Variants in NUDCD1 observed in about 807,000 individuals in gnomAD.
NUDCD1 encodes the protein nudC domain-containing protein 1.
In NUDCD1, 60 loss-of-function variants were observed where a neutral mutation model predicts 67.8. That is an observed-to-expected ratio of 0.88 (90% CI 0.72 to 1.10). The LOEUF is 1.10. Among genes scored for constraint, NUDCD1 ranks in the 50% least tolerant of loss-of-function variants. The probability of loss-of-function intolerance (pLI) is 0.00; values close to 1 mark genes in which losing one functional copy is unlikely to be tolerated. For missense variants in NUDCD1, 643 were observed against 695.0 expected (o/e 0.93, Z 0.84); for synonymous variants, 244 against 230.8 (o/e 1.06, Z -0.52).
In NUDCD1 at chr8:109,255,476, A is replaced by G. The variant is rs145973127; in HGVS notation, c.1300-9995T>C. On this transcript the variant is annotated intron_variant, in intron 8 of 9. Transcript: ENST00000239690. ...CTGGTGGAAATGCACTTAAATTTCT[A>G]CTTTAAAAAGCCACATAACTATTAC... Among the ~76,000 whole-genome samples the G allele has an allele frequency of 4.1e-3, 631 of 152,286 alleles. 6 individuals are homozygous for G. Among genetic ancestry groups the G allele is most frequent in the African/African-American group, 0.015 (605 of 41,572 alleles).
At chr8:109,323,332 G>T (rs1245646994) in intron 1 of NUDCD1, among the ~76,000 whole-genome samples, 1 of 152,000 alleles carries the variant, frequency 6.6e-6, no homozygotes, top group East Asian at 1.9e-4. Flanking sequence ...TTTGAGTCCT[G>T]TCTGACTTAT....
At position 109,242,922 on chromosome 8, in the gene NUDCD1, AAC is replaced by A; in HGVS notation, c.*85_*86del. Reference sequence around the variant, plus strand: ...ATACAAGATATATTTAGCACATTAAAACTTAAGAGGTTACAGTATAACTGTCC... The same window carrying A: ...ATACAAGATATATTTAGCACATTAAATTAAGAGGTTACAGTATAACTGTCC... On this transcript the variant is annotated 3_prime_UTR_variant, in exon 10 of 10. Coordinates refer to ENST00000239690, the MANE Select transcript of NUDCD1 (RefSeq NM_032869.4). 4.0e-6 allele frequency: 3 copies of A among 752,734 alleles called. No homozygotes were observed. The Admixed American group carries it at 7.5e-5, about 19-fold the overall frequency. 46.6% of individuals were successfully genotyped at this position (752,734 alleles called of 1,614,324 possible).
At chr8:109,274,513 A>G (rs985939527) in intron 7 of NUDCD1, among the ~76,000 whole-genome samples, 2 of 152,166 alleles carry the variant, frequency 1.3e-5, no homozygotes, top group African/African-American at 4.8e-5. Flanking sequence ...CTATGAAATC[A>G]AAGTTTTGCA....
At position 109,264,963 on chromosome 8, in the gene NUDCD1, T is replaced by C. The variant is rs577895867; in HGVS notation, c.1299+6042A>G. On this transcript the variant is annotated intron_variant, in intron 8 of 9. Transcript: ENST00000239690. ...TTAAAAAAATTCTTAATTTCTAATA[T>C]GATACGTTTTGATAAATATAATCCA... 6.6e-4 allele frequency among the ~76,000 whole-genome samples: 101 copies of C among 151,972 alleles called. 2 individuals are homozygous for C. Among genetic ancestry groups the C allele is most frequent in the South Asian group, 5.8e-3 (28 of 4,822 alleles).
intron 2 of NUDCD1, among the ~76,000 whole-genome samples, chr8:109,305,636 T>C (rs1383618844): frequency 6.6e-6 from 1 of 151,982 alleles, no homozygotes; most frequent in African/African-American, 2.4e-5. Flanking sequence ...CCCAACCTCA[T>C]CCCAAGCACT....
intron 1 of NUDCD1, among the ~76,000 whole-genome samples, chr8:109,327,328 G>T (rs1270530237): frequency 6.6e-6 from 1 of 152,134 alleles, no homozygotes; most frequent in Non-Finnish European, 1.5e-5. Context: ...CTCCATAAGG[G>T]TAGAGATGAG....
rs1294714338 is a variant in NUDCD1, at chr8:109,319,876, G to A, written c.273+2433C>T. 3.9e-5 allele frequency among the ~76,000 whole-genome samples: 6 copies of A among 152,284 alleles called. No homozygotes were observed. The East Asian group carries it at 1.2e-3, about 29-fold the overall frequency. ...GGCCAGCTTGAGAAATTAAGGGACA[G>A]AGTACAAAAGAGAGAAATTTTAAAG... On this transcript the variant is annotated intron_variant, in intron 2 of 9. Coordinates refer to ENST00000239690, the MANE Select transcript of NUDCD1 (RefSeq NM_032869.4).
chr8:109,275,331 A>G (rs1814256954), intron 7 of NUDCD1, 21 bp downstream of exon 7: 2 of 1,600,434 alleles, frequency 1.2e-6, no homozygotes, highest in Non-Finnish European at 1.7e-6. Flanking sequence ...GGAAAGTCAC[A>G]CTACTATTCC....
At chr8:109,269,296 T>C (rs1814085432) in intron 8 of NUDCD1, among the ~76,000 whole-genome samples, 1 of 152,208 alleles carries the variant, frequency 6.6e-6, no homozygotes. Flanking sequence ...TTAATTTTGA[T>C]ACAGTTTCAA....
intron 2 of NUDCD1, among the ~76,000 whole-genome samples, chr8:109,317,197 G>C (rs1316416165): frequency 1.3e-5 from 2 of 152,118 alleles, no homozygotes; most frequent in Non-Finnish European, 2.9e-5. Flanking sequence ...AACTGAACAG[G>C]TGATTAGAGA....
intron 2 of NUDCD1, among the ~76,000 whole-genome samples, chr8:109,307,069 C>A (rs1339899443): frequency 6.6e-6 from 1 of 152,158 alleles, no homozygotes; most frequent in Non-Finnish European, 1.5e-5. Context: ...GCCATCATAT[C>A]CCCTGTGACC....
intron 2 of NUDCD1, among the ~76,000 whole-genome samples, chr8:109,302,593 C>G (rs778244392): frequency 1.3e-5 from 2 of 152,142 alleles, no homozygotes; most frequent in South Asian, 4.2e-4. Context: ...GGCTTAGTTT[C>G]GTTCTGTGAC....
intron 6 of NUDCD1, among the ~76,000 whole-genome samples, chr8:109,278,753 C>T (rs1814358997): frequency 6.6e-6 from 1 of 152,188 alleles, no homozygotes; most frequent in Non-Finnish European, 1.5e-5. Flanking sequence ...AGTAACATTC[C>T]ATTGTATGAA....
intron 2 of NUDCD1, among the ~76,000 whole-genome samples, chr8:109,300,446 C>T (rs1280426121): frequency 6.6e-6 from 1 of 151,952 alleles, no homozygotes; most frequent in Non-Finnish European, 1.5e-5. Context: ...TTACAGAAAT[C>T]CAAAATGCTC....
At chr8:109,320,428 G>A (rs900772174) in intron 2 of NUDCD1, among the ~76,000 whole-genome samples, 6 of 152,180 alleles carry the variant, frequency 3.9e-5, no homozygotes, top group Admixed American at 6.5e-5. Flanking sequence ...GAGAAATATG[G>A]CTCTGTTCCG....
chr8:109,265,148 T>C (rs745419470), intron 8 of NUDCD1, among the ~76,000 whole-genome samples: 6 of 152,072 alleles, frequency 3.9e-5, no homozygotes, highest in Non-Finnish European at 7.4e-5. Flanking sequence ...TCAAATCTTC[T>C]AACATTAATT....
Position 109,327,785 on chromosome 8 carries a change from T to C in NUDCD1, c.119-5322A>G, listed in dbSNP as rs895706323. On this transcript the variant is annotated intron_variant, in intron 1 of 9. Transcript: ENST00000239690. ...CTGGTGTTTCTCCTCCACTTACATA[T>C]GCTGAAACTTCCCCACTCGCAAAAT... Among the ~76,000 whole-genome samples, 5 of 152,270 alleles carry C rather than the reference T, an allele frequency of 3.3e-5. No homozygotes were observed. In the South Asian group the frequency reaches 1.0e-3, roughly 32 times the overall value.
chr8:109,248,697 T>C (rs1331431808), intron 8 of NUDCD1, among the ~76,000 whole-genome samples: 1 of 146,898 alleles, frequency 6.8e-6, no homozygotes, highest in Admixed American at 6.9e-5. Context: ...TTTCCCTCTA[T>C]AGCTTTCCAC....
At chr8:109,286,534 G>A (rs1814578344) in intron 5 of NUDCD1, among the ~76,000 whole-genome samples, 1 of 152,084 alleles carries the variant, frequency 6.6e-6, no homozygotes, top group Non-Finnish European at 1.5e-5. Context: ...ATAGGGAAAG[G>A]AGTCCCTATT....
Sources: gnomAD v4.1 joint callset for allele counts (sites outside exome capture counted in the v4.1 genomes callset) on GRCh38, gnomAD v4.1.1 for gene constraint, MANE v1.5 for transcripts, NCBI Gene and HGNC (gene_info 2026-07-23, HGNC 2026-07-21) for gene names.